BRIP1: variants seen among roughly 807,000 people sequenced by gnomAD.
BRIP1 encodes BRCA1 interacting DNA helicase 1.
Under a neutral mutation model 119.7 loss-of-function variants are expected in BRIP1, and 88 were observed. The ratio of observed to expected loss-of-function variants is 0.74; its 90% CI spans 0.62 to 0.88. The LOEUF (loss-of-function observed/expected upper bound fraction) is 0.88. Ranked by LOEUF, BRIP1 falls within the 40% of genes least tolerant of loss-of-function variation. BRIP1 has a pLI of 0.00. For synonymous variants in BRIP1, 443 were observed against 496.5 expected, an observed-to-expected ratio of 0.89 and a Z score of 1.43; for missense variants, 1,259 against 1,455.4, an observed-to-expected ratio of 0.87 and a Z score of 2.20.
intron 14 of BRIP1, among the ~76,000 whole-genome samples, chr17:61,766,093 T>G: frequency 6.6e-6 from 1 of 152,166 alleles, no homozygotes; most frequent in East Asian, 1.9e-4. Flanking sequence ...AAATAATAGG[T>G]CAAATTAATA....
At chr17:61,797,032 T>C (rs2077910595) in intron 9 of BRIP1, among the ~76,000 whole-genome samples, 1 of 151,976 alleles carries the variant, frequency 6.6e-6, no homozygotes, top group African/African-American at 2.4e-5. Flanking sequence ...AGCAATTCTG[T>C]TTTAGATGTA....
rs996165825 is a variant in BRIP1 at position 61,736,659 on chromosome 17, T to C, written c.2379+6354A>G. Among the ~76,000 whole-genome samples the C allele has an allele frequency of 6.6e-6, 1 of 152,164 alleles. No individual in the cohort carries two copies. On this transcript the variant is annotated intron_variant, in intron 16 of 19. Transcript: ENST00000259008. This position sits in a 1 kb window ranked among gnomAD's most constrained non-coding sequence, Gnocchi z 4.4. ...ACAAATAACAAAGTCAAATACAATT[T>C]TAACAACTTCTACTAAAACCCCATT...
rs1284490719 is a variant in BRIP1, at chr17:61,758,893, T to C, written c.2098-14302A>G. On this transcript the variant is annotated intron_variant, in intron 14 of 19. Transcript: ENST00000259008. This position sits in a 1 kb window ranked among gnomAD's most constrained non-coding sequence, Gnocchi z 5.3. ...TGGGTGTGGTGGCACATGCCTGTAG[T>C]ACCAGCTACTCAGGAGGCTGAGGTT... Among the ~76,000 whole-genome samples the C allele has an allele frequency of 6.6e-6, 1 of 151,878 alleles. No individual in the cohort carries two copies. Among genetic ancestry groups the C allele is most frequent in the Non-Finnish European group, 1.5e-5 (1 of 67,968 alleles).
rs779454200 is a variant in BRIP1, at chr17:61,784,356, T to C, written c.1542A>G (p.Arg514=). 2 of 1,613,276 alleles carry C rather than the reference T, an allele frequency of 1.2e-6. No homozygotes were observed. The highest frequency in any genetic ancestry group is 3.3e-5 in the Admixed American group (2 of 60,022). ...TTGATGCACTAATAACAGGTACTTC[T>C]CTTGCCTCCTCTTTACCATAAATTG... The part of the protein sequence containing the change: ...ISPIYGKEEA[R]EVPVISASTQ... The change falls in exon 11 of 20, where the codon AGA becomes AGG. Residue 514 remains arginine, a synonymous_variant. Transcript: ENST00000259008.
intron 10 of BRIP1, among the ~76,000 whole-genome samples, chr17:61,785,171 G>A (rs1179406845): frequency 2.6e-5 from 4 of 152,158 alleles, no homozygotes; most frequent in Admixed American, 2.6e-4. Context: ...TTAAATCCAT[G>A]AGTTATTTCC....
At chr17:61,838,562 T>C (rs1392338962) in intron 6 of BRIP1, among the ~76,000 whole-genome samples, 2 of 146,610 alleles carry the variant, frequency 1.4e-5, no homozygotes, top group Non-Finnish European at 3.1e-5. Context: ...AATAAATAAA[T>C]AAATAAATAA....
chr17:61,784,277 T>A lies in BRIP1; in HGVS notation c.1621A>T (p.Asn541Tyr). The A allele has an allele frequency of 6.2e-7, 1 of 1,612,536 alleles. No individual in the cohort carries two copies. The highest frequency in any genetic ancestry group is 8.5e-7 in the Non-Finnish European group (1 of 1,179,012). The change falls in exon 11 of 20, where the codon AAT becomes TAT. Residue 541 changes from asparagine (N) to tyrosine (Y), a missense_variant. Transcript: ENST00000259008. ...FMVLDYLFRQNSRFADDYKIA... is the reference protein window; with the variant it reads ...FMVLDYLFRQYSRFADDYKIA... ...CTAGTTATCTTCACTTACCTGCTAT[T>A]TTGCCTAAAAAGATAGTCAAGTACC...
In BRIP1 at chr17:61,857,307, C is replaced by T. The variant is rs2078912248; in HGVS notation, c.206-76G>A. On this transcript the variant is annotated intron_variant, in intron 3 of 19. Transcript: ENST00000259008. The surrounding 1 kb of genome is among the most constrained non-coding windows in gnomAD (Gnocchi z 5.1). Reference sequence around the variant, plus strand: ...AATCATTCTCTACAGCCCAGTTCACCCAGGATTGGGAGGTTTCCTAAGATA... The same window carrying T: ...AATCATTCTCTACAGCCCAGTTCACTCAGGATTGGGAGGTTTCCTAAGATA... The T allele has an allele frequency of 2.2e-6, 3 of 1,359,666 alleles. No homozygotes were observed. The highest frequency in any genetic ancestry group is 2.2e-4 in the Middle Eastern group (1 of 4,532). 84.2% of individuals were successfully genotyped at this position (1,359,666 alleles called of 1,614,324 possible). A position where few individuals can be genotyped will look rare whatever the true frequency, so the allele number is the denominator to read the frequency against.
chr17:61,861,332 C>G lies in BRIP1; in HGVS notation c.93+115G>C, dbSNP rs1442414318. The stretch of plus-strand genomic sequence containing the variant: ...GAGGTTAGATATTCTTCCAAGTGAA[C>G]CCAGAAAATATTCTCCATTTACTGA... On this transcript the variant is annotated intron_variant, in intron 2 of 19. Coordinates refer to ENST00000259008, the MANE Select transcript of BRIP1 (RefSeq NM_032043.3). This position sits in a 1 kb window ranked among gnomAD's most constrained non-coding sequence, Gnocchi z 4.5. 4 of 766,446 alleles carry G rather than the reference C, an allele frequency of 5.2e-6. No homozygotes were observed. The highest frequency in any genetic ancestry group is 9.1e-6 in the Non-Finnish European group (4 of 440,682). The allele number at this position is 766,446 out of a possible 1,614,324, so 47.5% of individuals were successfully genotyped here. A position where few individuals can be genotyped will look rare whatever the true frequency, so the allele number is the denominator to read the frequency against.
In BRIP1 at chr17:61,720,935, C is replaced by T. The variant is rs1320270564; in HGVS notation, c.2380-4872G>A. On this transcript the variant is annotated intron_variant, in intron 16 of 19. Transcript: ENST00000259008. This position sits in a 1 kb window ranked among gnomAD's most constrained non-coding sequence, Gnocchi z 4.3. ...CTTGGCTCACTGCAACCTCCGCCTC[C>T]CAGGTTCAAGCAGTTCTCCTCTCAG... Among the ~76,000 whole-genome samples, 2 of 152,024 alleles carry T rather than the reference C, an allele frequency of 1.3e-5. No homozygotes were observed. The highest frequency in any genetic ancestry group is 2.9e-5 in the Non-Finnish European group (2 of 67,994).
At position 61,744,073 on chromosome 17, in the gene BRIP1, G is replaced by A. The variant is rs2077023710; in HGVS notation, c.2257+359C>T. On this transcript the variant is annotated intron_variant, in intron 15 of 19. Coordinates refer to ENST00000259008, the MANE Select transcript of BRIP1 (RefSeq NM_032043.3). This position sits in a 1 kb window ranked among gnomAD's most constrained non-coding sequence, Gnocchi z 5.0. The stretch of plus-strand genomic sequence containing the variant: ...AAATTCAAGTTTACCTTATGTAATA[G>A]AATACAAGCACCAAGTGTACTAAAT... Among the ~76,000 whole-genome samples, 1 of 152,138 alleles carries A rather than the reference G, an allele frequency of 6.6e-6. No homozygotes were observed. The highest frequency in any genetic ancestry group is 2.1e-4 in the South Asian group (1 of 4,832).
Position 61,760,436 on chromosome 17 carries a change from A to T in BRIP1, c.2098-15845T>A, listed in dbSNP as rs1567794748. On this transcript the variant is annotated intron_variant, in intron 14 of 19. Transcript: ENST00000259008. This position sits in a 1 kb window ranked among gnomAD's most constrained non-coding sequence, Gnocchi z 4.6. Reference sequence around the variant, plus strand: ...TAACAGAAGGAAAGAAGTAATAAAGATCAGAGAATAAATAAATAAAGTAGA... The same window carrying T: ...TAACAGAAGGAAAGAAGTAATAAAGTTCAGAGAATAAATAAATAAAGTAGA... Among the ~76,000 whole-genome samples, 1 of 151,934 alleles carries T rather than the reference A, an allele frequency of 6.6e-6. No homozygotes were observed. Among genetic ancestry groups the T allele is most frequent in the African/African-American group, 2.4e-5 (1 of 41,432 alleles).
At position 61,846,741 on chromosome 17, in the gene BRIP1, A is replaced by C. The variant is rs1204050996; in HGVS notation, c.627+360T>G. 6.6e-6 allele frequency among the ~76,000 whole-genome samples: 1 copy of C among 152,252 alleles called. No homozygotes were observed. The highest frequency in any genetic ancestry group is 2.1e-4 in the South Asian group (1 of 4,818). ...ATTTTCACCTCACAGATCACTCCCC[A>C]AAAAAATCTCAATATCTAGAACTCC... On this transcript the variant is annotated intron_variant, in intron 6 of 19. Coordinates refer to ENST00000259008, the MANE Select transcript of BRIP1 (RefSeq NM_032043.3). The surrounding 1 kb of genome is among the most constrained non-coding windows in gnomAD (Gnocchi z 4.3).
rs2078833024 is a variant in BRIP1 at position 61,852,288 on chromosome 17, A to G, written c.380-3032T>C. ...TGAAGGAAGTTCATCAAAGGGGTAAAATCTTTAAGATACAAAGTTAAAAAG... is the reference window on the plus strand; with the variant it reads ...TGAAGGAAGTTCATCAAAGGGGTAAGATCTTTAAGATACAAAGTTAAAAAG... On this transcript the variant is annotated intron_variant, in intron 4 of 19. Transcript: ENST00000259008. The surrounding 1 kb of genome is among the most constrained non-coding windows in gnomAD (Gnocchi z 4.9). Among the ~76,000 whole-genome samples, 1 of 152,222 alleles carries G rather than the reference A, an allele frequency of 6.6e-6. No individual in the cohort carries two copies. Among genetic ancestry groups the G allele is most frequent in the African/African-American group, 2.4e-5 (1 of 41,446 alleles).
Position 61,793,706 on chromosome 17 carries a change from T to C in BRIP1, c.1364A>G (p.Tyr455Cys), listed in dbSNP as rs2077856391. 1 of 1,610,678 alleles carries C rather than the reference T, an allele frequency of 6.2e-7. No individual in the cohort carries two copies. Among genetic ancestry groups the C allele is most frequent in the Non-Finnish European group, 8.5e-7 (1 of 1,178,540 alleles). Residue 455 changes from tyrosine to cysteine, a missense_variant, in exon 10 of 20, where the codon TAT becomes TGT. By Grantham distance (194) the Tyr-to-Cys change is radical. This residue lies in a region of BRIP1 where 501 missense variants were observed against 544.0 expected (regional missense o/e 0.92). Transcript: ENST00000259008. The surrounding 1 kb of genome is among the most constrained non-coding windows in gnomAD (Gnocchi z 5.2). ...TGATTCATAATCTCTTTCTACAAGA[T>C]ATTCAGCGTTTGCTTCTAACCAACT... ...LINWLEANAE[Y>C]LVERDYESAC... is the part of the protein sequence containing the mutation.
chr17:61,858,408 C>T (rs947305566), intron 3 of BRIP1, among the ~76,000 whole-genome samples: 2 of 151,070 alleles, frequency 1.3e-5, no homozygotes, highest in African/African-American at 4.9e-5. Flanking sequence ...AGTTTCGCTC[C>T]TGTTGCCCAG....
Position 61,695,021 on chromosome 17 carries a change from T to C in BRIP1, c.2493-1509A>G, listed in dbSNP as rs976902310. Among the ~76,000 whole-genome samples the C allele has an allele frequency of 6.6e-6, 1 of 152,002 alleles. No individual in the cohort carries two copies. Among genetic ancestry groups the C allele is most frequent in the African/African-American group, 2.4e-5 (1 of 41,414 alleles). On this transcript the variant is annotated intron_variant, in intron 17 of 19. Transcript: ENST00000259008. This position sits in a 1 kb window ranked among gnomAD's most constrained non-coding sequence, Gnocchi z 4.3. The stretch of plus-strand genomic sequence containing the variant: ...CTTTGAAGAATAAAAATTTGAACTG[T>C]AACAAAGTCCAATTTATCTGCTTTT...
Position 61,729,975 on chromosome 17 carries a change from A to G in BRIP1, c.2379+13038T>C, listed in dbSNP as rs1205153553. Among the ~76,000 whole-genome samples, 1 of 152,216 alleles carries G rather than the reference A, an allele frequency of 6.6e-6. No homozygotes were observed. Among genetic ancestry groups the G allele is most frequent in the Non-Finnish European group, 1.5e-5 (1 of 68,034 alleles). ...CGGAACAAAGAATTACCCAGTCCAA[A>G]ATGTCAATAGTGCCAAGTTTGAGAA... On this transcript the variant is annotated intron_variant, in intron 16 of 19. Coordinates refer to ENST00000259008, the MANE Select transcript of BRIP1 (RefSeq NM_032043.3). The surrounding 1 kb of genome is among the most constrained non-coding windows in gnomAD (Gnocchi z 5.6).
chr17:61,798,832 C>T lies in BRIP1; in HGVS notation c.1340+268G>A, dbSNP rs1192219809. Reference sequence around the variant, plus strand: ...AGTTTCTGGTTCAATATCCTAGACACATCCTTCGGGGCTATTATGTTATCC... The same window carrying T: ...AGTTTCTGGTTCAATATCCTAGACATATCCTTCGGGGCTATTATGTTATCC... On this transcript the variant is annotated intron_variant, in intron 9 of 19. Transcript: ENST00000259008. The surrounding 1 kb of genome is among the most constrained non-coding windows in gnomAD (Gnocchi z 5.5). Among the ~76,000 whole-genome samples the T allele has an allele frequency of 6.6e-6, 1 of 152,034 alleles. No homozygotes were observed. The highest frequency in any genetic ancestry group is 1.5e-5 in the Non-Finnish European group (1 of 67,964).
Sources: gnomAD v4.1 joint callset for allele counts (sites outside exome capture counted in the v4.1 genomes callset) on GRCh38, gnomAD v4.1.1 for gene constraint, gnomAD v4.1.1 regional missense constraint, Gnocchi (gnomAD v3.1) non-coding constraint, MANE v1.5 for transcripts, NCBI Gene and HGNC (gene_info 2026-07-23, HGNC 2026-07-21) for gene names.